FGD3: variants seen among roughly 807,000 people sequenced by gnomAD.
FGD3 encodes FYVE, RhoGEF and PH domain-containing protein 3.
In FGD3, 45 loss-of-function variants were observed where a neutral mutation model predicts 71.8. That is an observed-to-expected ratio of 0.63 (90% CI 0.49 to 0.80). The LOEUF is 0.80. FGD3 is among the 30% of genes least tolerant of loss of function. The pLI is 0.00. For synonymous variants in FGD3, 378 were observed against 392.8 expected (o/e 0.96, Z 0.44); for missense variants, 844 against 951.5 (o/e 0.89, Z 1.49).
chr9:93,011,855 C>CA (rs35066025), intron 8 of FGD3, among the ~76,000 whole-genome samples: 21,762 of 124,500 alleles, frequency 0.17, 1,654 homozygotes, highest in Non-Finnish European at 0.2. Flanking sequence ...GACTCCGTCT[C>CA]AAAAAAAAAA....
intron 6 of FGD3, among the ~76,000 whole-genome samples, chr9:93,009,622 G>A (rs1035095457): frequency 3.3e-5 from 5 of 152,336 alleles, no homozygotes; most frequent in South Asian, 2.1e-4. Flanking sequence ...TTCAGCACAC[G>A]TGTCTGGGGT....
At chr9:92,970,151 C>A (rs10992559) in intron 1 of FGD3, among the ~76,000 whole-genome samples, 1 of 152,174 alleles carries the variant, frequency 6.6e-6, no homozygotes, top group Admixed American at 6.5e-5. Context: ...GACCCAAGCC[C>A]GGGGGCTTCC....
rs774010167 is a variant in FGD3 at position 92,976,378 on chromosome 9, C to A, written c.122C>A (p.Ala41Asp). Reference protein sequence around the residue: ...KLQALPVGPRAHCGDPVSLAA... With the variant: ...KLQALPVGPRDHCGDPVSLAA... ...CAGGCGCTCCCTGTTGGGCCCAGAGCCCACTGTGGGGACCCTGTCAGCCTG... is the reference window on the plus strand; with the variant it reads ...CAGGCGCTCCCTGTTGGGCCCAGAGACCACTGTGGGGACCCTGTCAGCCTG... Residue 41 changes from alanine to aspartate, a missense_variant, in exon 3 of 18, where the codon GCC becomes GAC. Transcript: ENST00000375482. 11 of 1,610,510 alleles carry A rather than the reference C, an allele frequency of 6.8e-6. No individual in the cohort carries two copies. Among genetic ancestry groups the A allele is most frequent in the Non-Finnish European group, 9.3e-6 (11 of 1,178,982 alleles).
chr9:92,973,803 G>C (rs147853487), intron 1 of FGD3, among the ~76,000 whole-genome samples: 2 of 152,298 alleles, frequency 1.3e-5, no homozygotes, highest in East Asian at 3.9e-4. Context: ...TCCTCGAGGA[G>C]CCCCTCTGAG....
At chr9:92,975,071 G>A (rs1248648885) in intron 1 of FGD3, among the ~76,000 whole-genome samples, 167 bp from the exon 2 acceptor site, 1 of 152,248 alleles carries the variant, frequency 6.6e-6, no homozygotes, top group African/African-American at 2.4e-5. Context: ...CAGCCTGGGG[G>A]CTGAGGATAT....
chr9:93,028,995 G>GT lies in FGD3; in HGVS notation c.1558-837dup, dbSNP rs869235976. 6.1e-3 allele frequency among the ~76,000 whole-genome samples: 318 copies of GT among 51,732 alleles called. 58 individuals carry two copies. Among genetic ancestry groups the GT allele is most frequent in the Non-Finnish European group, 8.9e-3 (243 of 27,358 alleles). 33.9% of individuals were successfully genotyped at this position (51,732 alleles called of 152,430 possible). A position where few individuals can be genotyped will look rare whatever the true frequency, so the allele number is the denominator to read the frequency against. On this transcript the variant is annotated intron_variant, in intron 14 of 17. Coordinates refer to ENST00000375482, the MANE Select transcript of FGD3 (RefSeq NM_001083536.2). ...CATGGCTTCCTCACATGTCCTCACA[G>GT]TTTTTTTTTTTTTTTTTTTTTTTTT...
intron 3 of FGD3, among the ~76,000 whole-genome samples, chr9:92,979,328 A>G (rs1250083840): frequency 6.6e-6 from 1 of 152,168 alleles, no homozygotes; most frequent in Non-Finnish European, 1.5e-5. Flanking sequence ...AGGATGTTGA[A>G]TCCTTTCAAA....
intron 1 of FGD3, among the ~76,000 whole-genome samples, chr9:92,960,096 ATG>A: frequency 6.7e-6 from 1 of 150,096 alleles, no homozygotes; most frequent in Non-Finnish European, 1.5e-5. Context: ...TCATGTTTCC[ATG>A]TCCTCTTTCC....
intron 1 of FGD3, among the ~76,000 whole-genome samples, chr9:92,953,770 T>C (rs10125860): frequency 0.19 from 29,435 of 152,150 alleles, 3,044 homozygotes; most frequent in South Asian, 0.33. Flanking sequence ...GTAATTTCAA[T>C]TTAAAGTAAC....
chr9:93,019,837 G>A lies in FGD3; in HGVS notation c.1362G>A (p.Glu454=), dbSNP rs1276415444. 6.2e-7 allele frequency: 1 copy of A among 1,614,030 alleles called. No individual in the cohort carries two copies. The highest frequency in any genetic ancestry group is 8.5e-7 in the Non-Finnish European group (1 of 1,179,936). The change falls in exon 12 of 18, where the codon GAG becomes GAA. Residue 454 remains glutamate (E), a synonymous_variant. Transcript: ENST00000375482. ...KRSLELQTRT[E]EEKKEWIQII... ...GACCGTTTTGGTTTTTTAGGACAGAGGAAGAGAAGAAAGAATGGATTCAGG... is the reference window on the plus strand; with the variant it reads ...GACCGTTTTGGTTTTTTAGGACAGAAGAAGAGAAGAAAGAATGGATTCAGG...
intron 14 of FGD3, among the ~76,000 whole-genome samples, chr9:93,023,464 G>A (rs1473909968): frequency 6.6e-6 from 1 of 152,230 alleles, no homozygotes; most frequent in Admixed American, 6.5e-5. Context: ...ACAAAGCGCA[G>A]CCACCTGGCC....
At chr9:93,022,656 A>T (rs992814383) in intron 14 of FGD3, among the ~76,000 whole-genome samples, 5 of 152,060 alleles carry the variant, frequency 3.3e-5, no homozygotes, top group South Asian at 4.1e-4. Flanking sequence ...CAGTGTGGGG[A>T]TGTCCATTAC....
At chr9:92,986,313 T>A (rs1206193580) in intron 3 of FGD3, among the ~76,000 whole-genome samples, 2 of 152,172 alleles carry the variant, frequency 1.3e-5, no homozygotes, top group African/African-American at 2.4e-5. Context: ...ATCTCTCATG[T>A]TCTTTAAGTA....
chr9:93,034,350 C>G, intron 16 of FGD3, 191 bp from the exon 17 acceptor site: 1 of 627,002 alleles, frequency 1.6e-6, no homozygotes, highest in Non-Finnish European at 2.6e-6. Flanking sequence ...ACCACACATG[C>G]CTATGTCCTG....
At chr9:92,987,840 C>T (rs1860249446) in intron 3 of FGD3, among the ~76,000 whole-genome samples, 1 of 152,328 alleles carries the variant, frequency 6.6e-6, no homozygotes, top group Middle Eastern at 3.4e-3. Context: ...ATACCAATTA[C>T]ACTTCACCAT....
At chr9:93,030,879 TAG>T (rs1209152850) in intron 15 of FGD3, among the ~76,000 whole-genome samples, 2 of 151,042 alleles carry the variant, frequency 1.3e-5, no homozygotes, top group Non-Finnish European at 3.0e-5. Flanking sequence ...GATAGGTGGG[TAG>T]TTAGATAAAT....
intron 6 of FGD3, among the ~76,000 whole-genome samples, chr9:93,008,315 G>A (rs958238010): frequency 6.6e-5 from 10 of 152,172 alleles, no homozygotes; most frequent in African/African-American, 2.4e-4. Context: ...CTACTCCGCA[G>A]CCCACACTCA....
chr9:92,982,354 A>C (rs559955080), intron 3 of FGD3, among the ~76,000 whole-genome samples: 22 of 152,326 alleles, frequency 1.4e-4, no homozygotes, highest in Admixed American at 1.3e-3. Context: ...CATTGTCTAT[A>C]TATACCACAT....
chr9:92,998,594 C>T (rs1860737710), intron 3 of FGD3, among the ~76,000 whole-genome samples: 1 of 152,088 alleles, frequency 6.6e-6, no homozygotes, highest in Admixed American at 6.6e-5. Flanking sequence ...CTGGTTTCTC[C>T]CCATCTTTGT....
Sources: gnomAD v4.1 joint callset for allele counts (sites outside exome capture counted in the v4.1 genomes callset) on GRCh38, gnomAD v4.1.1 for gene constraint, MANE v1.5 for transcripts, NCBI Gene and HGNC (gene_info 2026-07-23, HGNC 2026-07-21) for gene names.